Variants in CAND1 observed in about 807,000 individuals in gnomAD.
The protein encoded by CAND1 is cullin associated and neddylation dissociated 1.
A neutral mutation model predicts 108.5 loss-of-function variants in CAND1; 7 were observed. That is an observed-to-expected ratio of 0.06 (90% CI 0.04 to 0.12). CAND1 has a LOEUF of 0.12. Ranked by LOEUF, CAND1 falls within the 10% of genes least tolerant of loss-of-function variation. The probability of loss-of-function intolerance (pLI) is 1.00; values close to 1 mark genes in which losing one functional copy is unlikely to be tolerated. For missense variants in CAND1, 941 were observed against 1,448.7 expected (o/e 0.65, Z 5.69); for synonymous variants, 534 against 512.0 (o/e 1.04, Z -0.58).
chr12:67,293,862 C>T (rs1202572602), intron 3 of CAND1, among the ~76,000 whole-genome samples: 3 of 152,208 alleles, frequency 2.0e-5, no homozygotes, highest in East Asian at 1.9e-4. Flanking sequence ...AGGCTGCATA[C>T]GTAAACTAGT....
At chr12:67,308,332 G>T (rs1379976333) in intron 11 of CAND1, among the ~76,000 whole-genome samples, 2 of 152,068 alleles carry the variant, frequency 1.3e-5, no homozygotes, top group Admixed American at 6.6e-5. Flanking sequence ...GCACAAATGG[G>T]TTCTATTGCT....
At chr12:67,308,952 T>C (rs540090564) in intron 11 of CAND1, among the ~76,000 whole-genome samples, 184 of 152,122 alleles carry the variant, frequency 1.2e-3, no homozygotes, top group Non-Finnish European at 2.1e-3. Context: ...AAGTCTTTTA[T>C]CTCTCCTACA....
At position 67,316,719 on chromosome 12, in the gene CAND1, A is replaced by G. The variant is rs1184383968; in HGVS notation, c.*3889A>G. The G allele has an allele frequency of 6.6e-6, 1 of 152,248 alleles. No homozygotes were observed. The highest frequency in any genetic ancestry group is 2.4e-5 in the African/African-American group (1 of 41,460). The allele number at this position is 152,248 out of a possible 1,614,324, so 9.4% of individuals were successfully genotyped here. On this transcript the variant is annotated 3_prime_UTR_variant, in exon 15 of 15. Coordinates refer to ENST00000545606, the MANE Select transcript of CAND1 (RefSeq NM_018448.5). ...AATTATTTTGCTGAGGTCTTAGAAG[A>G]CAGAAAGCTTATGCTATGTAAAGTG...
rs1318019810 is a variant in CAND1, at chr12:67,312,792, T to A, written c.3655T>A (p.Ser1219Thr). 3.1e-6 allele frequency: 5 copies of A among 1,613,326 alleles called. No individual in the cohort carries two copies. The highest frequency in any genetic ancestry group is 4.2e-6 in the Non-Finnish European group (5 of 1,179,610). ...TATCTTTGAAAGTATCCAGAAAGAT[T>A]CATCATCTACTAACTTGGAATCAAT... Reference protein sequence around the residue: ...AAIFESIQKDSSSTNLESMDT... With the variant: ...AAIFESIQKDTSSTNLESMDT... The change falls in exon 15 of 15, where the codon TCA becomes ACA. Residue 1219 changes from serine to threonine, a missense_variant. This residue lies in a region of CAND1 where 39 missense variants were observed against 51.3 expected (regional missense o/e 0.76). Transcript: ENST00000545606.
chr12:67,304,518 C>G (rs2044858857), intron 8 of CAND1, 87 bp from the exon 9 acceptor site: 1 of 1,370,286 alleles, frequency 7.3e-7, no homozygotes, highest in Non-Finnish European at 1.0e-6. Flanking sequence ...AAACTCTTCC[C>G]TTTATCCTCA....
At chr12:67,277,273 T>C (rs950471527) in intron 1 of CAND1, among the ~76,000 whole-genome samples, 1 of 152,248 alleles carries the variant, frequency 6.6e-6, no homozygotes, top group East Asian at 1.9e-4. Context: ...GAGGGAATTA[T>C]GGAATTAGTT....
In CAND1 at chr12:67,292,537, G is replaced by A. The variant is rs960088431; in HGVS notation, c.213-85G>A. Reference sequence around the variant, plus strand: ...ATACTTTATCTTGAAAGTTCTAGGCGGAAAGGTTAACATTTCTACTTATGT... The same window carrying A: ...ATACTTTATCTTGAAAGTTCTAGGCAGAAAGGTTAACATTTCTACTTATGT... On this transcript the variant is annotated intron_variant, in intron 2 of 14. Coordinates refer to ENST00000545606, the MANE Select transcript of CAND1 (RefSeq NM_018448.5). The A allele has an allele frequency of 3.3e-4, 291 of 895,090 alleles. 2 individuals carry two copies. Among genetic ancestry groups the A allele is most frequent in the Non-Finnish European group, 3.7e-4 (222 of 597,498 alleles). 55.4% of individuals were successfully genotyped at this position (895,090 alleles called of 1,614,324 possible).
chr12:67,282,978 T>C (rs1282774681), intron 2 of CAND1, among the ~76,000 whole-genome samples: 1 of 152,196 alleles, frequency 6.6e-6, no homozygotes, highest in South Asian at 2.1e-4. Flanking sequence ...CATACTGATT[T>C]AGTTTATGAA....
At chr12:67,300,340 A>C (rs866776667) in intron 7 of CAND1, among the ~76,000 whole-genome samples, 1 of 152,122 alleles carries the variant, frequency 6.6e-6, no homozygotes, top group Admixed American at 6.6e-5. Flanking sequence ...TTTAATATCA[A>C]TATGCTGGCA....
At chr12:67,312,198 C>T (rs890242920) in intron 14 of CAND1, among the ~76,000 whole-genome samples, 1 of 151,018 alleles carries the variant, frequency 6.6e-6, no homozygotes, top group Non-Finnish European at 1.5e-5. Flanking sequence ...GAAGATGAAA[C>T]GGGCTTTGAA....
chr12:67,305,672 G>A lies in CAND1; in HGVS notation c.2004G>A (p.Leu668=). Residue 668 remains leucine (L), a synonymous_variant, in exon 10 of 15, where the codon CTG becomes CTA. Transcript: ENST00000545606. The surrounding 1 kb of genome is among the most constrained non-coding windows in gnomAD (Gnocchi z 4.4). The part of the protein sequence containing the change: ...FLRKNQRALK[L]GTLSALDILI... The stretch of plus-strand genomic sequence containing the variant: ...GAAAAAACCAGAGAGCTTTGAAACT[G>A]GGTACTCTTTCTGCCCTTGATATTC... 1 of 1,614,034 alleles carries A rather than the reference G, an allele frequency of 6.2e-7. No homozygotes were observed.
intron 2 of CAND1, among the ~76,000 whole-genome samples, chr12:67,284,781 C>T (rs866062349): frequency 2.6e-5 from 4 of 152,062 alleles, no homozygotes; most frequent in African/African-American, 2.4e-5. Flanking sequence ...CCCCCGCCCC[C>T]GACACACACA....
chr12:67,298,723 A>G (rs1189050626), intron 6 of CAND1, among the ~76,000 whole-genome samples: 1 of 152,182 alleles, frequency 6.6e-6, no homozygotes, highest in African/African-American at 2.4e-5. Flanking sequence ...CATAGTTAAA[A>G]TCGGGATTAG....
intron 2 of CAND1, among the ~76,000 whole-genome samples, chr12:67,287,492 A>T (rs998302670): frequency 6.6e-6 from 1 of 152,186 alleles, no homozygotes; most frequent in Non-Finnish European, 1.5e-5. Flanking sequence ...AGTATCTCAT[A>T]CTTGTTAAAG....
rs2045000519 is a variant in CAND1 at position 67,315,599 on chromosome 12, A to G, written c.*2769A>G. On this transcript the variant is annotated 3_prime_UTR_variant, in exon 15 of 15. Transcript: ENST00000545606. ...AATGATATCTGAAAGCTGCTTAACC[A>G]TTAGGAATTACAATTCTTTATGGTT... The G allele has an allele frequency of 6.6e-6, 1 of 152,194 alleles. No homozygotes were observed. The highest frequency in any genetic ancestry group is 2.4e-5 in the African/African-American group (1 of 41,442). The allele number at this position is 152,194 out of a possible 1,614,324, so 9.4% of individuals were successfully genotyped here.
chr12:67,269,582 G>A lies in CAND1; in HGVS notation c.-136G>A. ...CCGTCGAGGCGCCTCCCTAGTCAGC[G>A]TCGGCGTCGCGCTGCGACCCTGGAA... is the stretch of plus-strand genomic sequence containing the variant. On this transcript the variant is annotated 5_prime_UTR_variant, in exon 1 of 15. Transcript: ENST00000545606. 1 of 681,188 alleles carries A rather than the reference G, an allele frequency of 1.5e-6. No individual in the cohort carries two copies. The highest frequency in any genetic ancestry group is 2.4e-6 in the Non-Finnish European group (1 of 411,552). 42.2% of individuals were successfully genotyped at this position (681,188 alleles called of 1,614,324 possible).
chr12:67,312,582 A>C (rs758034709), intron 14 of CAND1, 24 bp from the exon 15 acceptor site: 2 of 1,516,220 alleles, frequency 1.3e-6, no homozygotes, highest in Admixed American at 3.9e-5. Flanking sequence ...ATAGCATGTA[A>C]TCTAAGTTTA....
chr12:67,288,352 T>G (rs1489418169), intron 2 of CAND1, among the ~76,000 whole-genome samples: 1 of 152,046 alleles, frequency 6.6e-6, no homozygotes, highest in Non-Finnish European at 1.5e-5. Flanking sequence ...GGTCTCGAAC[T>G]CCTGACCTCA....
rs777080613 is a variant in CAND1 at position 67,306,224 on chromosome 12, T to C, written c.2556T>C (p.Ser852=). The part of the protein sequence containing the change: ...LGEVGHHIDL[S]GQLELKSVIL... ...AAGTTGGGCATCATATTGACTTAAG[T>C]GGACAGTTGGAACTAAAATCTGTAA... Residue 852 remains serine, a synonymous_variant, in exon 10 of 15, where the codon AGT becomes AGC. Coordinates refer to ENST00000545606, the MANE Select transcript of CAND1 (RefSeq NM_018448.5). The C allele has an allele frequency of 1.2e-6, 2 of 1,614,134 alleles. No individual in the cohort carries two copies. Among genetic ancestry groups the C allele is most frequent in the Non-Finnish European group, 1.7e-6 (2 of 1,180,000 alleles).
Sources: allele counts gnomAD v4.1 joint callset (sites outside exome capture counted in the v4.1 genomes callset), GRCh38; gene constraint gnomAD v4.1.1; regional missense constraint gnomAD v4.1.1; non-coding constraint Gnocchi (gnomAD v3.1); transcripts MANE v1.5; gene names NCBI Gene and HGNC (gene_info 2026-07-23, HGNC 2026-07-21).